Variants in SNX3 observed in about 807,000 individuals in gnomAD.
SNX3 encodes sorting nexin 3, also known as sorting nexin-3.
SNX3 carries 5 observed loss-of-function variants against 17.7 expected under a neutral mutation model. That is an observed-to-expected ratio of 0.28 (90% confidence interval 0.15 to 0.59). SNX3 has a LOEUF of 0.59. Ranked by LOEUF, SNX3 falls within the 20% of genes least tolerant of loss-of-function variation. SNX3 has a pLI of 0.88. For synonymous variants in SNX3, 91 were observed against 76.5 expected, an observed-to-expected ratio of 1.19 and a Z score of -0.99; for missense variants, 132 against 206.8, an observed-to-expected ratio of 0.64 and a Z score of 2.22.
intron 1 of SNX3, among the ~76,000 whole-genome samples, chr6:108,229,496 C>T (rs1479530756): frequency 1.4e-5 from 2 of 138,960 alleles, no homozygotes; most frequent in Non-Finnish European, 3.1e-5. Context: ...TGGTCTTGAA[C>T]TCCTGGGCTC....
intron 1 of SNX3, among the ~76,000 whole-genome samples, chr6:108,255,085 A>C (rs1453422047): frequency 6.6e-6 from 1 of 152,238 alleles, no homozygotes; most frequent in Non-Finnish European, 1.5e-5. Flanking sequence ...ATCCCTTAAC[A>C]GAACAGAATC....
rs1021474708 is a variant in SNX3 at position 108,232,724 on chromosome 6, C to G, written c.163-9679G>C. Among the ~76,000 whole-genome samples, 5 of 152,270 alleles carry G rather than the reference C, an allele frequency of 3.3e-5. No individual in the cohort carries two copies. The East Asian group carries it at 9.6e-4, about 29-fold the overall frequency. On this transcript the variant is annotated intron_variant, in intron 1 of 3. Coordinates refer to ENST00000230085, the MANE Select transcript of SNX3 (RefSeq NM_003795.6). Reference sequence around the variant, plus strand: ...CAATCCTAAGAGATGTAAATGGATGCCCCACTACAGTTCTCATTAAACAGC... The same window carrying G: ...CAATCCTAAGAGATGTAAATGGATGGCCCACTACAGTTCTCATTAAACAGC...
At position 108,244,978 on chromosome 6, in the gene SNX3, C is replaced by T. The variant is rs1056821471; in HGVS notation, c.162+15782G>A. 1.2e-4 allele frequency among the ~76,000 whole-genome samples: 18 copies of T among 151,990 alleles called. No individual in the cohort carries two copies. The East Asian group carries it at 1.5e-3, about 13-fold the overall frequency. On this transcript the variant is annotated intron_variant, in intron 1 of 3. Transcript: ENST00000230085. The stretch of plus-strand genomic sequence containing the variant: ...ATTTTCTTTTTAGTTCTGGGATACA[C>T]GTGCAAAAAAACGTGCAGGTTTGTT...
chr6:108,218,476 CA>C (rs1222601279), intron 2 of SNX3, among the ~76,000 whole-genome samples: 4 of 152,104 alleles, frequency 2.6e-5, no homozygotes, highest in Admixed American at 2.6e-4. Flanking sequence ...GCCAATTCCT[CA>C]AAAGGTTAAA....
intron 1 of SNX3, among the ~76,000 whole-genome samples, chr6:108,229,363 G>A (rs1003886055): frequency 2.0e-5 from 3 of 151,776 alleles, no homozygotes. Context: ...ATTTGGCCCG[G>A]ATTCATTCAT....
chr6:108,238,141 T>C (rs1439177028), intron 1 of SNX3, among the ~76,000 whole-genome samples: 4 of 145,714 alleles, frequency 2.7e-5, no homozygotes, highest in Non-Finnish European at 4.5e-5. Flanking sequence ...AAGAATCAAC[T>C]ATAATGGATA....
intron 1 of SNX3, among the ~76,000 whole-genome samples, chr6:108,226,434 A>G (rs894380042): frequency 2.6e-5 from 4 of 152,248 alleles, no homozygotes; most frequent in African/African-American, 7.2e-5. Context: ...ATGACTTAAC[A>G]TAATAACTAA....
At chr6:108,220,284 C>T (rs1774717464) in intron 2 of SNX3, among the ~76,000 whole-genome samples, 1 of 151,920 alleles carries the variant, frequency 6.6e-6, no homozygotes, top group Non-Finnish European at 1.5e-5. Context: ...ACTGACTCAC[C>T]CAGAACAACT....
intron 1 of SNX3, among the ~76,000 whole-genome samples, chr6:108,250,272 A>C (rs1297247474): frequency 6.6e-6 from 1 of 152,170 alleles, no homozygotes; most frequent in Non-Finnish European, 1.5e-5. Flanking sequence ...ATGTTACATG[A>C]GCAAACTCTA....
At chr6:108,238,970 G>A (rs2114742386) in intron 1 of SNX3, among the ~76,000 whole-genome samples, 1 of 150,628 alleles carries the variant, frequency 6.6e-6, no homozygotes, top group Non-Finnish European at 1.5e-5. Flanking sequence ...GTGCAATCTC[G>A]GTTCACTCAA....
chr6:108,226,536 G>T (rs1774978927), intron 1 of SNX3, among the ~76,000 whole-genome samples: 2 of 152,144 alleles, frequency 1.3e-5, no homozygotes, highest in African/African-American at 4.8e-5. Flanking sequence ...AATTAGCACA[G>T]AATTTGCATA....
In SNX3 at chr6:108,221,532, C is replaced by CTTTTTTTTT. The variant is rs554429322; in HGVS notation, c.258+1409_258+1417dup. ...GTATTACAAGGAATACAGTATTACA[C>CTTTTTTTTT]TTTTTTTTTTTTTTTTTTTTTTTTT... On this transcript the variant is annotated intron_variant, in intron 2 of 3. Transcript: ENST00000230085. Among the ~76,000 whole-genome samples, 49 of 57,780 alleles carry CTTTTTTTTT rather than the reference C, an allele frequency of 8.5e-4. 14 individuals are homozygous for CTTTTTTTTT. The highest frequency in any genetic ancestry group is 5.8e-3 in the South Asian group (6 of 1,038). The allele number at this position is 57,780 out of a possible 152,430, so 37.9% of individuals were successfully genotyped here.
chr6:108,239,341 C>T (rs1309796807), intron 1 of SNX3, among the ~76,000 whole-genome samples: 1 of 151,956 alleles, frequency 6.6e-6, no homozygotes, highest in African/African-American at 2.4e-5. Flanking sequence ...TGAGTTTTAC[C>T]ATCTTTAAAA....
At chr6:108,251,624 G>A (rs757782726) in intron 1 of SNX3, among the ~76,000 whole-genome samples, 14 of 152,056 alleles carry the variant, frequency 9.2e-5, no homozygotes, top group Non-Finnish European at 1.6e-4. Flanking sequence ...TCTCCATGTG[G>A]AGAAAAAAAC....
chr6:108,245,314 T>C (rs1775650361), intron 1 of SNX3, among the ~76,000 whole-genome samples: 1 of 152,220 alleles, frequency 6.6e-6, no homozygotes, highest in African/African-American at 2.4e-5. Flanking sequence ...GGCTGCATAG[T>C]ATTCCACGGT....
chr6:108,214,681 A>G, intron 2 of SNX3, 59 bp from the exon 3 acceptor site: 1 of 1,560,408 alleles, frequency 6.4e-7, no homozygotes, highest in Non-Finnish European at 8.7e-7. Flanking sequence ...AAATTTATAG[A>G]GCACAACATG....
chr6:108,223,860 T>C (rs1285036479), intron 1 of SNX3, among the ~76,000 whole-genome samples: 2 of 152,142 alleles, frequency 1.3e-5, no homozygotes, highest in Non-Finnish European at 2.9e-5. Context: ...TTTGCATGCA[T>C]GCTTTTGGAT....
chr6:108,259,665 CT>C (rs1190002156), intron 1 of SNX3, among the ~76,000 whole-genome samples: 3 of 152,138 alleles, frequency 2.0e-5, no homozygotes, highest in African/African-American at 7.2e-5. Context: ...TTTAAAAATA[CT>C]TAAGTTTCAC....
At position 108,224,851 on chromosome 6, in the gene SNX3, C is replaced by T. The variant is rs532515197; in HGVS notation, c.163-1806G>A. Among the ~76,000 whole-genome samples, 8 of 152,256 alleles carry T rather than the reference C, an allele frequency of 5.3e-5. No homozygotes were observed. The East Asian group carries it at 1.2e-3, about 22-fold the overall frequency. On this transcript the variant is annotated intron_variant, in intron 1 of 3. Coordinates refer to ENST00000230085, the MANE Select transcript of SNX3 (RefSeq NM_003795.6). ...CATAACACCCAGTACTTTGAAGTTA[C>T]ACTGGAATGTAAGAAAATTTCTGGA...
Sources: allele counts gnomAD v4.1 joint callset (sites outside exome capture counted in the v4.1 genomes callset), GRCh38; gene constraint gnomAD v4.1.1; transcripts MANE v1.5; gene names NCBI Gene and HGNC (gene_info 2026-07-23, HGNC 2026-07-21).